The following GEN1 variants were observed in gnomAD, a reference collection of about 807,000 sequenced individuals.
The protein encoded by GEN1 is flap endonuclease GEN homolog 1.
In GEN1, 64 loss-of-function variants were observed where a neutral mutation model predicts 67.6. The observed-to-expected ratio is 0.95, with a 90% CI of 0.77 to 1.17. The LOEUF (loss-of-function observed/expected upper bound fraction) is 1.17, where lower values mean the gene tolerates loss of function less well. Among genes scored for constraint, GEN1 ranks in the 50% most tolerant of loss-of-function variants. GEN1 has a pLI of 0.00. For missense variants in GEN1, 1,058 were observed against 1,048.3 expected, an observed-to-expected ratio of 1.01 and a Z score of -0.13; for synonymous variants, 371 against 359.4, an observed-to-expected ratio of 1.03 and a Z score of -0.37.
intron 11 of GEN1, among the ~76,000 whole-genome samples, chr2:17,775,245 A>G (rs1672374884): frequency 6.6e-6 from 1 of 152,148 alleles, no homozygotes; most frequent in Non-Finnish European, 1.5e-5. Context: ...AAAGTGAACT[A>G]TTAGCTTAAA....
chr2:17,777,921 A>G (rs1411011544), intron 11 of GEN1, 81 bp from the exon 12 acceptor site: 6 of 750,452 alleles, frequency 8.0e-6, no homozygotes, highest in African/African-American at 3.5e-5. Context: ...AAAAAAATCT[A>G]TGGAAATTAT....
In GEN1 at chr2:17,766,595, G is replaced by C. The variant is rs1190523478; in HGVS notation, c.542G>C (p.Cys181Ser). The change falls in exon 5 of 14, where the codon TGT becomes TCT. Residue 181 changes from cysteine (C) to serine (S), a missense_variant. Transcript: ENST00000381254. ...TMNTKDPHVDCYTMSSIKSKL... is the reference protein window; with the variant it reads ...TMNTKDPHVDSYTMSSIKSKL... ...TTTCTTTAGGACCCACATGTTGACT[G>C]TTACACAATGTCATCTATCAAGAGT... 1 of 1,591,100 alleles carries C rather than the reference G, an allele frequency of 6.3e-7. No individual in the cohort carries two copies. The highest frequency in any genetic ancestry group is 8.6e-7 in the Non-Finnish European group (1 of 1,161,226).
At chr2:17,768,434 C>T (rs771437676) in intron 5 of GEN1, among the ~76,000 whole-genome samples, 1 of 151,982 alleles carries the variant, frequency 6.6e-6, no homozygotes, top group Non-Finnish European at 1.5e-5. Flanking sequence ...TAAATGAAAG[C>T]CCTCTAAAAT....
At chr2:17,758,372 C>T (rs1671518511) in intron 1 of GEN1, among the ~76,000 whole-genome samples, 1 of 152,202 alleles carries the variant, frequency 6.6e-6, no homozygotes, top group African/African-American at 2.4e-5. Context: ...GAAAGCAAAA[C>T]TGTCAATAAC....
intron 11 of GEN1, among the ~76,000 whole-genome samples, chr2:17,775,238 G>C (rs1672374573): frequency 6.6e-6 from 1 of 152,104 alleles, no homozygotes; most frequent in South Asian, 2.1e-4. Flanking sequence ...GATATAAAAA[G>C]TGAACTATTA....
intron 1 of GEN1, 150 bp from the exon 2 acceptor site, chr2:17,759,778 TC>T: frequency 1.7e-6 from 1 of 583,236 alleles, no homozygotes; most frequent in Non-Finnish European, 2.8e-6. Flanking sequence ...TTTCAGGTGT[TC>T]TTAATTCATT....
rs1159502359 is a variant in GEN1, at chr2:17,786,856, T to G, written c.*4917T>G. On this transcript the variant is annotated 3_prime_UTR_variant, in exon 14 of 14. Coordinates refer to ENST00000381254, the MANE Select transcript of GEN1 (RefSeq NM_001130009.3). Reference sequence around the variant, plus strand: ...AGTGTTTGACACAGTAACTACTAGATGCATGAATGACAATTCTCCACAACG... The same window carrying G: ...AGTGTTTGACACAGTAACTACTAGAGGCATGAATGACAATTCTCCACAACG... 6.6e-6 allele frequency: 1 copy of G among 152,178 alleles called. No individual in the cohort carries two copies. Among genetic ancestry groups the G allele is most frequent in the African/African-American group, 2.4e-5 (1 of 41,442 alleles). 9.4% of individuals were successfully genotyped at this position (152,178 alleles called of 1,614,324 possible). A position where few individuals can be genotyped will look rare whatever the true frequency, so the allele number is the denominator to read the frequency against.
chr2:17,778,403 T>C lies in GEN1; in HGVS notation c.1264+340T>C, dbSNP rs199907411. 5.9e-3 allele frequency among the ~76,000 whole-genome samples: 248 copies of C among 42,146 alleles called. 38 individuals carry two copies. The highest frequency in any genetic ancestry group is 0.016 in the African/African-American group (212 of 13,532). 27.6% of individuals were successfully genotyped at this position (42,146 alleles called of 152,430 possible). A position where few individuals can be genotyped will look rare whatever the true frequency, so the allele number is the denominator to read the frequency against. ...ATATATGTGTGTACATATATGTATA[T>C]ACACACATATATGTGTGTACATATA... On this transcript the variant is annotated intron_variant, in intron 12 of 13. Coordinates refer to ENST00000381254, the MANE Select transcript of GEN1 (RefSeq NM_001130009.3).
rs981963093 is a variant in GEN1 at position 17,788,757 on chromosome 2, C to T, written c.*6818C>T. 6.6e-6 allele frequency: 1 copy of T among 152,296 alleles called. No individual in the cohort carries two copies. Among genetic ancestry groups the T allele is most frequent in the East Asian group, 1.9e-4 (1 of 5,192 alleles). 9.4% of individuals were successfully genotyped at this position (152,296 alleles called of 1,614,324 possible). A position where few individuals can be genotyped will look rare whatever the true frequency, so the allele number is the denominator to read the frequency against. On this transcript the variant is annotated 3_prime_UTR_variant, in exon 14 of 14. Transcript: ENST00000381254. ...GCCTTTCTGTGAGTGAAATCAGAAA[C>T]GGCTGTTCTTTAATAAATGCTTTCA...
chr2:17,762,223 A>C (rs1171540686), intron 3 of GEN1, among the ~76,000 whole-genome samples: 1 of 116,032 alleles, frequency 8.6e-6, no homozygotes, highest in Admixed American at 1.1e-4. Flanking sequence ...TTTTTTTGAG[A>C]TGGAGTCTCG....
At chr2:17,778,321 CACGTGTACATATATGTATACACACACAT>C (rs1672610196) in intron 12 of GEN1, among the ~76,000 whole-genome samples, 1 of 21,064 alleles carries the variant, frequency 4.7e-5, no homozygotes, top group African/African-American at 1.4e-4. Context: ...TATACACACA[CACGTGTACATATATGTATACACACACAT>C]GTGTGTACAT....
At position 17,778,322 on chromosome 2, in the gene GEN1, A is replaced by ATATGTG. The variant is rs10626432; in HGVS notation, c.1264+259_1264+260insTATGTG. On this transcript the variant is annotated intron_variant, in intron 12 of 13. Coordinates refer to ENST00000381254, the MANE Select transcript of GEN1 (RefSeq NM_001130009.3). ...TGTACATATATGTATATACACACACACGTGTACATATATGTATACACACAC... is the reference window on the plus strand; with the variant it reads ...TGTACATATATGTATATACACACACATATGTGCGTGTACATATATGTATACACACAC... Among the ~76,000 whole-genome samples the ATATGTG allele has an allele frequency of 9.9e-4, 19 of 19,108 alleles. 1 individual carries two copies. In the East Asian group the frequency reaches 0.079, roughly 79 times the overall value. The allele number at this position is 19,108 out of a possible 152,430, so 12.5% of individuals were successfully genotyped here. A position where few individuals can be genotyped will look rare whatever the true frequency, so the allele number is the denominator to read the frequency against.
chr2:17,758,040 C>T (rs1007878246), intron 1 of GEN1, among the ~76,000 whole-genome samples: 1 of 152,180 alleles, frequency 6.6e-6, no homozygotes, highest in African/African-American at 2.4e-5. Context: ...ACATGTATTT[C>T]TATCCTACTG....
intron 10 of GEN1, among the ~76,000 whole-genome samples, chr2:17,773,665 T>C (rs974514078): frequency 6.6e-6 from 1 of 152,216 alleles, no homozygotes; most frequent in East Asian, 1.9e-4. Context: ...TAAATTTAAA[T>C]TTGGACCGTA....
intron 4 of GEN1, among the ~76,000 whole-genome samples, chr2:17,765,334 A>G (rs141353165): frequency 5.1e-4 from 78 of 152,364 alleles, no homozygotes; most frequent in Non-Finnish European, 9.3e-4. Flanking sequence ...CACGAATTGC[A>G]TATGAAAATG....
Position 17,783,007 on chromosome 2 carries a change from TC to T in GEN1, c.*1070del, listed in dbSNP as rs1672915648. The T allele has an allele frequency of 6.6e-6, 1 of 152,138 alleles. No homozygotes were observed. The highest frequency in any genetic ancestry group is 6.5e-5 in the Admixed American group (1 of 15,282). 9.4% of individuals were successfully genotyped at this position (152,138 alleles called of 1,614,324 possible). On this transcript the variant is annotated 3_prime_UTR_variant, in exon 14 of 14. Coordinates refer to ENST00000381254, the MANE Select transcript of GEN1 (RefSeq NM_001130009.3). ...TATTAAAACTGATAAAGCGAGTTCA[TC>T]CAGGTCGTAGAATACAAGACCAATG... is the stretch of plus-strand genomic sequence containing the variant.
chr2:17,766,814 A>G, intron 5 of GEN1, 125 bp downstream of exon 5: 1 of 562,458 alleles, frequency 1.8e-6, no homozygotes, highest in Non-Finnish European at 3.1e-6. Flanking sequence ...AATTTCAGGC[A>G]TAATAAGCTA....
rs1458241080 is a variant in GEN1, at chr2:17,788,583, A to G, written c.*6644A>G. 1 of 152,228 alleles carries G rather than the reference A, an allele frequency of 6.6e-6. No individual in the cohort carries two copies. Among genetic ancestry groups the G allele is most frequent in the East Asian group, 1.9e-4 (1 of 5,204 alleles). The allele number at this position is 152,228 out of a possible 1,614,324, so 9.4% of individuals were successfully genotyped here. On this transcript the variant is annotated 3_prime_UTR_variant, in exon 14 of 14. Coordinates refer to ENST00000381254, the MANE Select transcript of GEN1 (RefSeq NM_001130009.3). ...GTCTGAGCTTCCTTAGCATTATTCT[A>G]TTCCAAGACCCAAAAAGGAAAATAA...
At chr2:17,760,682 G>T (rs572408165) in intron 2 of GEN1, among the ~76,000 whole-genome samples, 1 of 152,300 alleles carries the variant, frequency 6.6e-6, no homozygotes, top group South Asian at 2.1e-4. Flanking sequence ...AGCACTTTGG[G>T]AGGCCGAGGC....
Sources: allele counts gnomAD v4.1 joint callset (sites outside exome capture counted in the v4.1 genomes callset), GRCh38; gene constraint gnomAD v4.1.1; transcripts MANE v1.5; gene names NCBI Gene and HGNC (gene_info 2026-07-23, HGNC 2026-07-21).